Variants in KALRN observed in about 807,000 individuals in gnomAD.
KALRN encodes kalirin.
A neutral mutation model predicts 353.7 loss-of-function variants in KALRN; 70 were observed. The ratio of observed to expected loss-of-function variants is 0.20; its 90% confidence interval spans 0.16 to 0.24. KALRN has a LOEUF of 0.24. Among genes scored for constraint, KALRN ranks in the 10% least tolerant of loss-of-function variants. KALRN has a pLI of 1.00. For synonymous variants in KALRN, 1,391 were observed against 1,434.8 expected (o/e 0.97, Z 0.69); for missense variants, 2,791 against 3,756.7 (o/e 0.74, Z 6.72).
intron 6 of KALRN, among the ~76,000 whole-genome samples, chr3:124,313,529 G>C (rs781773531): frequency 9.2e-5 from 14 of 152,176 alleles, no homozygotes; most frequent in Non-Finnish European, 1.6e-4. Context: ...ATTAATTTAT[G>C]ACCCTTGCTC....
intron 1 of KALRN, among the ~76,000 whole-genome samples, chr3:124,055,223 T>C (rs2041415492): frequency 6.6e-6 from 1 of 152,220 alleles, no homozygotes; most frequent in South Asian, 2.1e-4. Flanking sequence ...GGTTATACAA[T>C]TTAATTTTCT....
At chr3:124,643,758 C>A (rs1305174643) in intron 37 of KALRN, among the ~76,000 whole-genome samples, 3 of 152,146 alleles carry the variant, frequency 2.0e-5, no homozygotes, top group Admixed American at 2.0e-4. Flanking sequence ...AAAGTGACAG[C>A]CACAGCCATA....
intron 28 of KALRN, among the ~76,000 whole-genome samples, chr3:124,485,860 A>G (rs1390137596): frequency 6.6e-6 from 1 of 152,194 alleles, no homozygotes; most frequent in East Asian, 1.9e-4. Flanking sequence ...AGCCTGGGTG[A>G]TAGAGCGAGA....
intron 27 of KALRN, among the ~76,000 whole-genome samples, chr3:124,478,524 AT>A (rs1472587651): frequency 2.0e-5 from 3 of 152,138 alleles, no homozygotes; most frequent in Non-Finnish European, 4.4e-5. Flanking sequence ...AATGCACATG[AT>A]TTTTTTAATG....
chr3:124,584,588 G>T (rs950978381), intron 34 of KALRN: 2 of 1,378,924 alleles, frequency 1.5e-6, no homozygotes, highest in South Asian at 1.6e-5. Flanking sequence ...CCTGCCCACA[G>T]CTGGACCTTG....
chr3:124,283,073 A>C (rs2075508362), intron 5 of KALRN, among the ~76,000 whole-genome samples: 1 of 152,214 alleles, frequency 6.6e-6, no homozygotes, highest in Admixed American at 6.5e-5. Flanking sequence ...GGGGCTCCCA[A>C]AGAAAGAGCT....
At chr3:124,046,190 T>G (rs1179761996) in intron 1 of KALRN, among the ~76,000 whole-genome samples, 1 of 152,182 alleles carries the variant, frequency 6.6e-6, no homozygotes, top group African/African-American at 2.4e-5. Flanking sequence ...AAACTTTGAA[T>G]GTTTGAAAAA....
Position 124,662,193 on chromosome 3 carries a change from C to CTT in KALRN, c.6345+290_6345+291dup, listed in dbSNP as rs10549005. Among the ~76,000 whole-genome samples the CTT allele has an allele frequency of 8.3e-4, 80 of 96,846 alleles. 2 individuals are homozygous for CTT. Among genetic ancestry groups the CTT allele is most frequent in the East Asian group, 1.9e-3 (6 of 3,224 alleles). The allele number at this position is 96,846 out of a possible 152,430, so 63.5% of individuals were successfully genotyped here. Reference sequence around the variant, plus strand: ...AAGGAGATTGGAAAGACCCAGAATTCTTTTTTTTTTTTTTTTTTTTTTTTT... The same window carrying CTT: ...AAGGAGATTGGAAAGACCCAGAATTCTTTTTTTTTTTTTTTTTTTTTTTTTTT... On this transcript the variant is annotated intron_variant, in intron 45 of 59. Transcript: ENST00000682506.
chr3:124,620,645 A>G (rs954813682), intron 34 of KALRN, among the ~76,000 whole-genome samples: 4 of 152,244 alleles, frequency 2.6e-5, no homozygotes, highest in African/African-American at 9.6e-5. Context: ...GAATATAGAG[A>G]GAATTTTCTC....
intron 1 of KALRN, among the ~76,000 whole-genome samples, chr3:124,034,080 C>T (rs1289993593): frequency 1.3e-5 from 2 of 151,928 alleles, no homozygotes; most frequent in Non-Finnish European, 2.9e-5. Context: ...GGAGGCGGTC[C>T]CCTCGGACCG....
rs1250379042 is a variant in KALRN at position 124,334,501 on chromosome 3, A to C, written c.1647+6A>C. On this transcript the variant is annotated splice_donor_region_variant and intron_variant, in intron 9 of 59. Coordinates refer to ENST00000682506, the MANE Select transcript of KALRN (RefSeq NM_001388419.1). This position sits in a 1 kb window ranked among gnomAD's most constrained non-coding sequence, Gnocchi z 4.2. ...TCCAGCAGGATGTACAGCAGGTAAC[A>C]GGCTCTGAGCCCCGGTGTCCATTAT... The C allele has an allele frequency of 8.1e-6, 13 of 1,603,696 alleles. No individual in the cohort carries two copies. The highest frequency in any genetic ancestry group is 1.1e-5 in the Non-Finnish European group (13 of 1,171,910).
In KALRN at chr3:124,564,009, A is replaced by G. The variant is rs1174195182; in HGVS notation, c.5182+920A>G. Among the ~76,000 whole-genome samples the G allele has an allele frequency of 2.0e-4, 20 of 97,682 alleles. No individual in the cohort carries two copies. The East Asian group carries it at 0.013, about 61-fold the overall frequency. The allele number at this position is 97,682 out of a possible 152,430, so 64.1% of individuals were successfully genotyped here. A position where few individuals can be genotyped will look rare whatever the true frequency, so the allele number is the denominator to read the frequency against. The stretch of plus-strand genomic sequence containing the variant: ...CAACAGAGCGAGACTCTGTCTCAAA[A>G]AAAAAAAAAAAAAAATTAAAAAAAT... On this transcript the variant is annotated intron_variant, in intron 34 of 59. Transcript: ENST00000682506.
chr3:124,534,894 C>T (rs1235046747), intron 33 of KALRN, among the ~76,000 whole-genome samples: 1 of 152,022 alleles, frequency 6.6e-6, no homozygotes, highest in East Asian at 1.9e-4. Context: ...CCAAGCGAAC[C>T]CTGCAAATAC....
chr3:124,678,218 A>T lies in KALRN; in HGVS notation c.7222A>T (p.Met2408Leu). 6.2e-7 allele frequency: 1 copy of T among 1,614,044 alleles called. No homozygotes were observed. Among genetic ancestry groups the T allele is most frequent in the African/African-American group, 1.3e-5 (1 of 75,052 alleles). Residue 2408 changes from methionine to leucine, a missense_variant, in exon 50 of 60, where the codon ATG becomes TTG. Transcript: ENST00000682506. ...GTCATGTTCATGGCATACTCTACGC[A>T]TGAGAAAGCGGGCGGAAGTGGAGAA... ...KKSCSWHTLR[M>L]RKRAEVENTG...
At chr3:124,280,179 T>C (rs190994095) in intron 5 of KALRN, among the ~76,000 whole-genome samples, 75 of 152,328 alleles carry the variant, frequency 4.9e-4, no homozygotes, top group Admixed American at 1.2e-3. Flanking sequence ...CCCTTACCCA[T>C]GGCAGAACTC....
chr3:124,198,568 G>A (rs2075663293), intron 1 of KALRN, among the ~76,000 whole-genome samples: 1 of 152,116 alleles, frequency 6.6e-6, no homozygotes, highest in Non-Finnish European at 1.5e-5. Flanking sequence ...AGCTACCAGG[G>A]GCTTCTCCCA....
intron 12 of KALRN, among the ~76,000 whole-genome samples, chr3:124,397,688 T>C (rs2090333074): frequency 6.6e-6 from 1 of 152,220 alleles, no homozygotes; most frequent in Admixed American, 6.5e-5. Flanking sequence ...TCTGTTTATC[T>C]CTCGGCTTCC....
At chr3:124,110,910 T>C (rs1040644408) in intron 1 of KALRN, among the ~76,000 whole-genome samples, 1 of 152,204 alleles carries the variant, frequency 6.6e-6, no homozygotes, top group African/African-American at 2.4e-5. Context: ...TCCTCCTGGT[T>C]GCCAAAAGCA....
At chr3:124,664,840 G>A (rs1257050455) in intron 45 of KALRN, among the ~76,000 whole-genome samples, 3 of 152,174 alleles carry the variant, frequency 2.0e-5, no homozygotes, top group Admixed American at 1.3e-4. Flanking sequence ...CCATGGCTTT[G>A]GGCTTGAGAG....
Sources: allele counts gnomAD v4.1 joint callset (sites outside exome capture counted in the v4.1 genomes callset), GRCh38; gene constraint gnomAD v4.1.1; non-coding constraint Gnocchi (gnomAD v3.1); transcripts MANE v1.5; gene names NCBI Gene and HGNC (gene_info 2026-07-23, HGNC 2026-07-21).